Variants in ZNF609 observed in about 807,000 individuals in gnomAD.
ZNF609 encodes zinc finger protein 609.
A neutral mutation model predicts 109.5 loss-of-function variants in ZNF609; 11 were observed. That is an observed-to-expected ratio of 0.10 (90% CI 0.06 to 0.17). The LOEUF (loss-of-function observed/expected upper bound fraction) is 0.17. Among genes scored for constraint, ZNF609 ranks in the 10% least tolerant of loss-of-function variants. ZNF609 has a pLI of 1.00. For synonymous variants in ZNF609, 646 were observed against 662.0 expected (o/e 0.98, Z 0.37); for missense variants, 1,559 against 1,772.4 (o/e 0.88, Z 2.16).
chr15:64,539,166 A>ATTTG (rs1334927727), intron 2 of ZNF609, among the ~76,000 whole-genome samples: 3 of 99,022 alleles, frequency 3.0e-5, no homozygotes, highest in South Asian at 8.0e-4. Context: ...ACCATGCCTT[A>ATTTG]TTTATTTATT....
intron 3 of ZNF609, among the ~76,000 whole-genome samples, chr15:64,629,152 CT>C (rs1896023618): frequency 6.6e-6 from 1 of 152,150 alleles, no homozygotes; most frequent in Admixed American, 6.5e-5. Context: ...TCTCTTCCTT[CT>C]TGTATTCATT....
intron 3 of ZNF609, among the ~76,000 whole-genome samples, chr15:64,644,543 CAG>C (rs1309460989): frequency 6.6e-6 from 1 of 152,138 alleles, no homozygotes; most frequent in Non-Finnish European, 1.5e-5. Flanking sequence ...TAAAATATAA[CAG>C]ATGATGGATC....
chr15:64,622,572 T>C (rs1482072547), intron 2 of ZNF609, among the ~76,000 whole-genome samples: 2 of 152,140 alleles, frequency 1.3e-5, no homozygotes, highest in Admixed American at 6.6e-5. Context: ...CCAAGTGCAG[T>C]TTATGAGGAA....
At position 64,675,941 on chromosome 15, in the gene ZNF609, G is replaced by T; in HGVS notation, c.3087G>T (p.Leu1029=). Residue 1029 remains leucine (L), a synonymous_variant, in exon 5 of 10, where the codon CTG becomes CTT. Coordinates refer to ENST00000326648, the MANE Select transcript of ZNF609 (RefSeq NM_015042.2). ...RGVDKKAEMG[L]KEREAALKEE... The stretch of plus-strand genomic sequence containing the variant: ...TGGACAAGAAGGCAGAGATGGGCCT[G>T]AAGGAGCGGGAGGCAGCACTCAAGG... The T allele has an allele frequency of 1.9e-6, 3 of 1,614,182 alleles. No individual in the cohort carries two copies. The highest frequency in any genetic ancestry group is 2.5e-6 in the Non-Finnish European group (3 of 1,180,030).
At chr15:64,609,098 TTC>T (rs1895666987) in intron 2 of ZNF609, among the ~76,000 whole-genome samples, 1 of 33,028 alleles carries the variant, frequency 3.0e-5, no homozygotes, top group African/African-American at 6.1e-5. Flanking sequence ...CTTTCTTTCT[TTC>T]TTTCTTTCTT....
At chr15:64,632,892 T>G (rs565698841) in intron 3 of ZNF609, among the ~76,000 whole-genome samples, 2 of 150,916 alleles carry the variant, frequency 1.3e-5, no homozygotes, top group East Asian at 2.0e-4. Context: ...CCCAGTTCAG[T>G]CTCCCAAGTA....
At chr15:64,479,640 TGGG>T (rs1893222996) in intron 1 of ZNF609, among the ~76,000 whole-genome samples, 1 of 151,162 alleles carries the variant, frequency 6.6e-6, no homozygotes, top group Admixed American at 6.6e-5. Context: ...TTACCAGGGC[TGGG>T]TGTGGTGGTT....
At position 64,550,324 on chromosome 15, in the gene ZNF609, A is replaced by ATTGTTGTTG. The variant is rs35706760; in HGVS notation, c.747+50176_747+50184dup. Among the ~76,000 whole-genome samples, 400 of 150,966 alleles carry ATTGTTGTTG rather than the reference A, an allele frequency of 2.6e-3. 4 individuals carry two copies. Among genetic ancestry groups the ATTGTTGTTG allele is most frequent in the African/African-American group, 9.5e-3 (388 of 41,040 alleles). ...GTTTGAATTGGGGTTTGTTGTTGTT[A>ATTGTTGTTG]TTGTTGTTGTTGTTGTTGTTGTTGT... On this transcript the variant is annotated intron_variant, in intron 2 of 9. Transcript: ENST00000326648.
At chr15:64,631,472 A>C in intron 3 of ZNF609, 1 of 716,786 alleles carries the variant, frequency 1.4e-6, no homozygotes, top group Non-Finnish European at 2.6e-6. Context: ...CCTGATGTCT[A>C]CAATATCACC....
At chr15:64,647,720 A>T (rs1896355976) in intron 3 of ZNF609, among the ~76,000 whole-genome samples, 1 of 152,162 alleles carries the variant, frequency 6.6e-6, no homozygotes, top group Non-Finnish European at 1.5e-5. Context: ...TTAAAAAAAG[A>T]TACTTCTTAA....
At chr15:64,473,887 G>C (rs1452755240) in intron 1 of ZNF609, among the ~76,000 whole-genome samples, 1 of 151,988 alleles carries the variant, frequency 6.6e-6, no homozygotes, top group African/African-American at 2.4e-5. Context: ...CAATTCTCCT[G>C]CCTCAGCCTC....
chr15:64,476,285 T>C (rs1451210700), intron 1 of ZNF609, among the ~76,000 whole-genome samples: 2 of 66,820 alleles, frequency 3.0e-5, no homozygotes, highest in South Asian at 3.3e-4. Flanking sequence ...ATGAACAAAA[T>C]AGACCAAAAA....
At chr15:64,647,051 C>A (rs1329528947) in intron 3 of ZNF609, among the ~76,000 whole-genome samples, 3 of 151,034 alleles carry the variant, frequency 2.0e-5, no homozygotes, top group Non-Finnish European at 1.5e-5. Flanking sequence ...CTCCCAGCTA[C>A]TCAGGAGGCT....
chr15:64,662,425 A>C (rs1439859315), intron 3 of ZNF609, among the ~76,000 whole-genome samples: 6 of 152,102 alleles, frequency 3.9e-5, no homozygotes, highest in Non-Finnish European at 8.8e-5. Context: ...TCCCGGGCTC[A>C]AGTGATCCCC....
At position 64,674,905 on chromosome 15, in the gene ZNF609, C is replaced by G; in HGVS notation, c.2051C>G (p.Ser684Cys). The change falls in exon 5 of 10, where the codon TCC (serine) becomes TGC (cysteine). Residue 684 changes from serine to cysteine, a missense_variant. By Grantham distance (112) the Ser-to-Cys change is moderately radical. Transcript: ENST00000326648. ...TTCACAGCAGCGAGCCCAGGCTCTT[C>G]CTCAGGCTTGACCGCCACAGTGGCA... ...ATFTAASPGS[S>C]SGLTATVAQA... The G allele has an allele frequency of 6.2e-7, 1 of 1,614,142 alleles. No homozygotes were observed. The highest frequency in any genetic ancestry group is 1.1e-5 in the South Asian group (1 of 91,084).
intron 2 of ZNF609, among the ~76,000 whole-genome samples, chr15:64,590,319 C>T (rs1895271544): frequency 6.6e-6 from 1 of 152,130 alleles, no homozygotes; most frequent in Non-Finnish European, 1.5e-5. Flanking sequence ...ATCTCTCTCT[C>T]TCTTTTGCTC....
chr15:64,549,203 T>C (rs1274582559), intron 2 of ZNF609, among the ~76,000 whole-genome samples: 2 of 152,324 alleles, frequency 1.3e-5, no homozygotes, highest in East Asian at 3.9e-4. Context: ...TGGTTTGGTT[T>C]TTTTGAGACG....
chr15:64,675,759 A>G lies in ZNF609; in HGVS notation c.2905A>G (p.Met969Val). Reference protein sequence around the residue: ...SVIQQRPNMYMQSLYYNQYAY... With the variant: ...SVIQQRPNMYVQSLYYNQYAY... ...CATCCAGCAGCGTCCCAATATGTAC[A>G]TGCAGTCCCTGTACTACAACCAGTA... Residue 969 changes from methionine to valine, a missense_variant, in exon 5 of 10, where the codon ATG (methionine) becomes GTG (valine). Coordinates refer to ENST00000326648, the MANE Select transcript of ZNF609 (RefSeq NM_015042.2). 1 of 1,614,212 alleles carries G rather than the reference A, an allele frequency of 6.2e-7. No homozygotes were observed. The highest frequency in any genetic ancestry group is 8.5e-7 in the Non-Finnish European group (1 of 1,180,032).
chr15:64,518,351 G>C (rs1261164890), intron 2 of ZNF609, among the ~76,000 whole-genome samples: 1 of 152,186 alleles, frequency 6.6e-6, no homozygotes, highest in Non-Finnish European at 1.5e-5. Context: ...ATAATCAAAG[G>C]CTAAGTGGTA....
Sources: allele counts gnomAD v4.1 joint callset (sites outside exome capture counted in the v4.1 genomes callset), GRCh38; gene constraint gnomAD v4.1.1; transcripts MANE v1.5; gene names NCBI Gene and HGNC (gene_info 2026-07-23, HGNC 2026-07-21).